AP1B1: variants seen among roughly 807,000 people sequenced by gnomAD.
The protein encoded by AP1B1 is AP-1 complex subunit beta-1.
A neutral mutation model predicts 104.3 loss-of-function variants in AP1B1; 36 were observed. The ratio of observed to expected loss-of-function variants is 0.35; its 90% CI spans 0.26 to 0.46. AP1B1 has a LOEUF of 0.46. AP1B1 is among the 20% of genes least tolerant of loss of function. The probability of loss-of-function intolerance (pLI) is 1.00; values close to 1 mark genes in which losing one functional copy is unlikely to be tolerated. For missense variants in AP1B1, 901 were observed against 1,247.9 expected (o/e 0.72, Z 4.19); for synonymous variants, 504 against 517.5 (o/e 0.97, Z 0.35).
At chr22:29,353,550 C>T (rs974611552) in intron 7 of AP1B1, among the ~76,000 whole-genome samples, 1 of 152,220 alleles carries the variant, frequency 6.6e-6, no homozygotes, top group Admixed American at 6.5e-5. Context: ...AAGACCCACA[C>T]TGCAACCAGG....
chr22:29,355,758 T>C (rs1357104443), intron 6 of AP1B1, among the ~76,000 whole-genome samples: 1 of 151,110 alleles, frequency 6.6e-6, no homozygotes, highest in African/African-American at 2.4e-5. Flanking sequence ...TAGCTGCTCA[T>C]GTTGGCATGC....
chr22:29,371,152 T>G (rs545124748), intron 1 of AP1B1, among the ~76,000 whole-genome samples: 79 of 152,322 alleles, frequency 5.2e-4, no homozygotes, highest in South Asian at 1.0e-3. Context: ...AGCTATCTCC[T>G]CGTGTCCTTT....
chr22:29,357,511 A>G (rs2061977654), intron 5 of AP1B1, among the ~76,000 whole-genome samples: 1 of 151,944 alleles, frequency 6.6e-6, no homozygotes, highest in Non-Finnish European at 1.5e-5. Flanking sequence ...GATTACAGGC[A>G]CGCACCACCA....
At chr22:29,352,731 C>T (rs147854272) in intron 7 of AP1B1, among the ~76,000 whole-genome samples, 1,601 of 152,208 alleles carry the variant, frequency 0.011, 10 homozygotes, top group Non-Finnish European at 0.017. Context: ...GAGTTCAAGA[C>T]GAGCCTCGGC....
chr22:29,356,000 C>CTAT (rs1208391681), intron 6 of AP1B1, among the ~76,000 whole-genome samples: 2 of 152,210 alleles, frequency 1.3e-5, no homozygotes, highest in Non-Finnish European at 2.9e-5. Flanking sequence ...GGGACCTGCA[C>CTAT]TATTCCCTCC....
intron 14 of AP1B1, 90 bp downstream of exon 14, chr22:29,340,564 GCA>G: frequency 7.8e-7 from 1 of 1,288,436 alleles, no homozygotes; most frequent in South Asian, 1.5e-5. Flanking sequence ...TGTACCTGAG[GCA>G]CTCAGCTGGT....
chr22:29,332,777 G>A (rs552343564), intron 17 of AP1B1, among the ~76,000 whole-genome samples: 60 of 152,344 alleles, frequency 3.9e-4, no homozygotes, highest in Admixed American at 1.5e-3. Context: ...GCCTGCCTGG[G>A]ACACAGAGGG....
chr22:29,330,284 G>A (rs1240170199), intron 21 of AP1B1, 94 bp downstream of exon 21: 3 of 1,571,948 alleles, frequency 1.9e-6, no homozygotes, highest in Non-Finnish European at 2.6e-6. Context: ...CAGGCTTGAA[G>A]GGACGCTTGG....
In AP1B1 at chr22:29,350,156, TG is replaced by T; in HGVS notation, c.1156-7del. 6.2e-7 allele frequency: 1 copy of T among 1,613,312 alleles called. No individual in the cohort carries two copies. The highest frequency in any genetic ancestry group is 2.2e-5 in the East Asian group (1 of 44,858). On this transcript the variant is annotated splice_region_variant and splice_polypyrimidine_tract_variant and intron_variant, in intron 9 of 22. Coordinates refer to ENST00000357586, the MANE Select transcript of AP1B1 (RefSeq NM_001127.4). ...ACACAGCGCTCCGCAGATTGCTGCA[TG>T]GGAAGAGAAGAGTGTGGGCGAGGTC...
At chr22:29,342,207 G>A in intron 12 of AP1B1, 78 bp downstream of exon 12, 1 of 1,245,162 alleles carries the variant, frequency 8.0e-7, no homozygotes, top group Admixed American at 2.0e-5. Flanking sequence ...CTGGCTTCCA[G>A]GTCTAGTTCC....
At chr22:29,341,991 C>T (rs1377204838) in intron 12 of AP1B1, among the ~76,000 whole-genome samples, 2 of 152,236 alleles carry the variant, frequency 1.3e-5, no homozygotes, top group African/African-American at 2.4e-5. Flanking sequence ...TACTCCCAAC[C>T]GCCCTCTGTG....
At position 29,356,613 on chromosome 22, in the gene AP1B1, C is replaced by A. The variant is rs2061962304; in HGVS notation, c.529G>T (p.Val177Leu). ...GAGAGCGCTGCCACTGCATTGGCCA[C>A]CACCTGGTTGAGAGGGTGGGAGGGG... ...DLISDSNPMV[V>L]ANAVAALSEI... Residue 177 changes from valine (V) to leucine (L), a missense_variant, in exon 6 of 23, where the codon GTG becomes TTG. Transcript: ENST00000357586. 2 of 1,613,712 alleles carry A rather than the reference C, an allele frequency of 1.2e-6. No homozygotes were observed. Among genetic ancestry groups the A allele is most frequent in the Non-Finnish European group, 1.7e-6 (2 of 1,179,874 alleles).
In AP1B1 at chr22:29,350,102, T is replaced by C; in HGVS notation, c.1204A>G (p.Lys402Glu). The C allele has an allele frequency of 1.2e-6, 2 of 1,614,182 alleles. No individual in the cohort carries two copies. Among genetic ancestry groups the C allele is most frequent in the Non-Finnish European group, 1.7e-6 (2 of 1,180,028 alleles). The change falls in exon 10 of 23, where the codon AAG becomes GAG. Residue 402 changes from lysine (K) to glutamate (E), a missense_variant. Physicochemically the swap from Lys to Glu is moderately conservative, Grantham distance 56 (BLOSUM62 1). Around this residue, in one of 3 missense-constraint regions of AP1B1, gnomAD observed 471 missense variants for 696.7 expected, o/e 0.68. Coordinates refer to ENST00000357586, the MANE Select transcript of AP1B1 (RefSeq NM_001127.4). ...GCCTCCTGGACCACATAGTTGACCT[T>C]GGTCTGGATGAGGTCGAGCAGCGTG... is the stretch of plus-strand genomic sequence containing the variant. ...VSTLLDLIQT[K>E]VNYVVQEAIV...
intron 15 of AP1B1, among the ~76,000 whole-genome samples, chr22:29,339,511 C>T (rs1429052056): frequency 6.6e-6 from 1 of 152,016 alleles, no homozygotes; most frequent in Admixed American, 6.6e-5. Flanking sequence ...TGGCAATCCC[C>T]GCGATGACAA....
At chr22:29,338,497 TC>T (rs1233454885) in intron 16 of AP1B1, among the ~76,000 whole-genome samples, 2 of 152,230 alleles carry the variant, frequency 1.3e-5, no homozygotes, top group Non-Finnish European at 2.9e-5. Context: ...TTGTATTCTC[TC>T]CCTTTTATGT....
At chr22:29,340,940 CCCCA>C in intron 13 of AP1B1, 83 bp from the exon 14 acceptor site, 3 of 1,400,142 alleles carry the variant, frequency 2.1e-6, no homozygotes, top group Non-Finnish European at 2.9e-6. Flanking sequence ...CAGAGCTGTC[CCCCA>C]GGACAGGCAC....
chr22:29,353,448 T>C (rs2061907925), intron 7 of AP1B1, among the ~76,000 whole-genome samples: 2 of 152,138 alleles, frequency 1.3e-5, no homozygotes, highest in Admixed American at 6.5e-5. Context: ...AGATTTACTA[T>C]GTTAAATATA....
At chr22:29,344,965 G>C (rs1024940615) in intron 11 of AP1B1, among the ~76,000 whole-genome samples, 1 of 152,188 alleles carries the variant, frequency 6.6e-6, no homozygotes, top group African/African-American at 2.4e-5. Context: ...AGAATCCTTT[G>C]AGCCCAGGAG....
chr22:29,331,761 G>C, intron 18 of AP1B1, 26 bp downstream of exon 18: 1 of 1,614,152 alleles, frequency 6.2e-7, no homozygotes, highest in South Asian at 1.1e-5. Context: ...GTAAGGACTG[G>C]GGTGCCTGCC....
Sources: allele counts gnomAD v4.1 joint callset (sites outside exome capture counted in the v4.1 genomes callset), GRCh38; gene constraint gnomAD v4.1.1; regional missense constraint gnomAD v4.1.1; transcripts MANE v1.5; gene names NCBI Gene and HGNC (gene_info 2026-07-23, HGNC 2026-07-21).